NUP155: variants seen among roughly 807,000 people sequenced by gnomAD.
NUP155 encodes the protein nucleoporin 155, also known as nuclear pore complex protein Nup155.
NUP155 carries 71 observed loss-of-function variants against 180.4 expected under a neutral mutation model. The ratio of observed to expected loss-of-function variants is 0.39; its 90% confidence interval spans 0.33 to 0.48. The LOEUF is 0.48. NUP155 is among the 20% of genes least tolerant of loss of function. NUP155 has a pLI of 0.91. For synonymous variants in NUP155, 582 were observed against 559.5 expected, an observed-to-expected ratio of 1.04 and a Z score of -0.57; for missense variants, 1,553 against 1,648.9, an observed-to-expected ratio of 0.94 and a Z score of 1.01.
intron 3 of NUP155, among the ~76,000 whole-genome samples, chr5:37,361,784 C>A (rs977572134): frequency 9.9e-5 from 15 of 152,112 alleles, no homozygotes; most frequent in African/African-American, 3.6e-4. Flanking sequence ...AATAATTTTT[C>A]TTTAAATGAA....
chr5:37,309,032 C>T, intron 24 of NUP155, 97 bp downstream of exon 24: 1 of 1,283,328 alleles, frequency 7.8e-7, no homozygotes, highest in Non-Finnish European at 1.1e-6. Context: ...AGATTTGCAT[C>T]TGGAAAGTGG....
intron 4 of NUP155, among the ~76,000 whole-genome samples, chr5:37,355,288 G>A (rs7728893): frequency 0.063 from 9,514 of 151,698 alleles, 964 homozygotes; most frequent in African/African-American, 0.21. Context: ...TGGGCGGATC[G>A]CTTGAGGCCA....
At chr5:37,309,955 G>A (rs1244242004) in intron 23 of NUP155, among the ~76,000 whole-genome samples, 1 of 152,020 alleles carries the variant, frequency 6.6e-6, no homozygotes, top group Admixed American at 6.6e-5. Flanking sequence ...GGCCGAGGCA[G>A]GAGAATCACT....
chr5:37,330,945 C>G (rs527834356), intron 14 of NUP155, among the ~76,000 whole-genome samples: 2 of 151,388 alleles, frequency 1.3e-5, no homozygotes, highest in Admixed American at 6.6e-5. Context: ...GTCAGGAGAT[C>G]GAGACCATCC....
chr5:37,345,908 C>CAAA (rs35161106), intron 9 of NUP155, among the ~76,000 whole-genome samples: 2 of 67,280 alleles, frequency 3.0e-5, no homozygotes, highest in East Asian at 6.3e-4. Context: ...GATTCCATCT[C>CAAA]AAAAAAAAAA....
rs532775185 is a variant in NUP155, at chr5:37,341,906, C to T, written c.1093+643G>A. 1.6e-3 allele frequency among the ~76,000 whole-genome samples: 247 copies of T among 152,196 alleles called. 4 individuals carry two copies. The South Asian group carries it at 0.036, about 22-fold the overall frequency. ...AATATATATCTAAGAAAATGTCACT[C>T]GAAATTGAGAGGTGAATCAATACAT... On this transcript the variant is annotated intron_variant, in intron 10 of 34. Transcript: ENST00000231498.
In NUP155 at chr5:37,304,827, T is replaced by G. The variant is rs1220483635; in HGVS notation, c.3074A>C (p.Lys1025Thr). ...CTCATCCTTGGATCGCTGTGACAATTTAAGCATTTGTTCAAACTAAAATAA... is the reference window on the plus strand; with the variant it reads ...CTCATCCTTGGATCGCTGTGACAATGTAAGCATTTGTTCAAACTAAAATAA... ...EAGHHFEQML[K>T]LSQRSKDELF... is the part of the protein sequence containing the mutation. The change falls in exon 27 of 35, where the codon AAA becomes ACA. Residue 1025 changes from lysine (K) to threonine (T), a missense_variant. Physicochemically the swap from Lys to Thr is moderately conservative, Grantham distance 78. Coordinates refer to ENST00000231498, the MANE Select transcript of NUP155 (RefSeq NM_153485.3). 9 of 1,613,820 alleles carry G rather than the reference T, an allele frequency of 5.6e-6. No homozygotes were observed. The highest frequency in any genetic ancestry group is 7.6e-6 in the Non-Finnish European group (9 of 1,179,864).
At chr5:37,325,872 A>G in intron 19 of NUP155, 29 bp downstream of exon 19, 1 of 1,467,414 alleles carries the variant, frequency 6.8e-7, no homozygotes, top group Non-Finnish European at 9.5e-7. Flanking sequence ...GCTACACAAA[A>G]ATAACAAAAT....
At chr5:37,350,816 A>AT (rs1304315181) in intron 6 of NUP155, among the ~76,000 whole-genome samples, 2 of 137,534 alleles carry the variant, frequency 1.5e-5, no homozygotes, top group African/African-American at 3.0e-5. Context: ...ACTCCATCAC[A>AT]TTTAAAAAAA....
intron 32 of NUP155, 81 bp downstream of exon 32, chr5:37,298,787 G>T (rs997012366): frequency 2.5e-6 from 2 of 796,146 alleles, no homozygotes; most frequent in South Asian, 1.4e-5. Flanking sequence ...TATTTTACTC[G>T]AAAGATCGTT....
chr5:37,352,780 T>TAG lies in NUP155; in HGVS notation c.512_513insCT (p.Asp172Ter). On this transcript the variant is annotated frameshift_variant, in exon 5 of 35. Coordinates refer to ENST00000231498, the MANE Select transcript of NUP155 (RefSeq NM_153485.3). LOFTEE classifies it high-confidence loss of function. ...AGCTGAGTCCAAGAATTACTATGTC[T>TAG]ACAGGGGTCGCCAAAACCAGGAGGT... The TAG allele has an allele frequency of 6.2e-7, 1 of 1,613,688 alleles. No individual in the cohort carries two copies. Among genetic ancestry groups the TAG allele is most frequent in the Non-Finnish European group, 8.5e-7 (1 of 1,179,708 alleles).
In NUP155 at chr5:37,363,936, G is replaced by C. The variant is rs760874911; in HGVS notation, c.344C>G (p.Ala115Gly). Reference sequence around the variant, plus strand: ...TATATCACTGTCAATTGTGAGCCAAGCTCTGCTGATAGGAGGGAACACACC... The same window carrying C: ...TATATCACTGTCAATTGTGAGCCAACCTCTGCTGATAGGAGGGAACACACC... ...MMGVFPPISR[A>G]WLTIDSDIFM... Residue 115 changes from alanine (A) to glycine (G), a missense_variant, in exon 3 of 35, where the codon GCT becomes GGT. Transcript: ENST00000231498. The C allele has an allele frequency of 1.2e-5, 20 of 1,613,780 alleles. No homozygotes were observed. Among genetic ancestry groups the C allele is most frequent in the Non-Finnish European group, 1.5e-5 (18 of 1,179,806 alleles).
intron 25 of NUP155, among the ~76,000 whole-genome samples, chr5:37,306,756 T>A (rs1260287959): frequency 1.3e-5 from 2 of 152,056 alleles, no homozygotes; most frequent in African/African-American, 4.8e-5. Context: ...TGAGCCACTG[T>A]GCCTGGCCTA....
chr5:37,363,720 G>C (rs1747365362), intron 3 of NUP155, among the ~76,000 whole-genome samples, 168 bp downstream of exon 3: 1 of 152,174 alleles, frequency 6.6e-6, no homozygotes, highest in Non-Finnish European at 1.5e-5. Flanking sequence ...GGACTACTAA[G>C]ACAGAATGCA....
intron 3 of NUP155, among the ~76,000 whole-genome samples, chr5:37,362,214 T>A (rs1375874912): frequency 6.6e-6 from 1 of 152,166 alleles, no homozygotes; most frequent in African/African-American, 2.4e-5. Flanking sequence ...AACAACAGTG[T>A]CAGATACATA....
chr5:37,354,176 C>T (rs927278392), intron 4 of NUP155, among the ~76,000 whole-genome samples: 1 of 152,110 alleles, frequency 6.6e-6, no homozygotes, highest in African/African-American at 2.4e-5. Flanking sequence ...GACAGAGTTT[C>T]ACTCTTGTTG....
At chr5:37,314,033 G>A (rs1488007180) in intron 22 of NUP155, among the ~76,000 whole-genome samples, 165 bp downstream of exon 22, 5 of 151,984 alleles carry the variant, frequency 3.3e-5, no homozygotes, top group African/African-American at 1.2e-4. Flanking sequence ...GAAAAAATAG[G>A]TCCCCCAAGT....
chr5:37,301,997 G>A (rs1742889034), intron 29 of NUP155, among the ~76,000 whole-genome samples: 3 of 152,282 alleles, frequency 2.0e-5, no homozygotes, highest in South Asian at 4.1e-4. Flanking sequence ...AATAGAACTT[G>A]GGTTCCTAAA....
At chr5:37,345,487 G>C (rs1161718277) in intron 9 of NUP155, among the ~76,000 whole-genome samples, 2 of 146,098 alleles carry the variant, frequency 1.4e-5, no homozygotes. Flanking sequence ...CTCCAGCCTG[G>C]GTATCAGAGT....
Sources: allele counts gnomAD v4.1 joint callset (sites outside exome capture counted in the v4.1 genomes callset), GRCh38; gene constraint gnomAD v4.1.1; transcripts MANE v1.5; gene names NCBI Gene and HGNC (gene_info 2026-07-23, HGNC 2026-07-21).